The following SNX29 variants were observed in gnomAD, a reference collection of about 807,000 sequenced individuals.
The protein encoded by SNX29 is sorting nexin-29.
Under a neutral mutation model 102.1 loss-of-function variants are expected in SNX29, and 78 were observed. That is an observed-to-expected ratio of 0.76 (90% CI 0.64 to 0.92). The LOEUF (loss-of-function observed/expected upper bound fraction) is 0.92, where lower values mean the gene tolerates loss of function less well. Ranked by LOEUF, SNX29 falls within the 40% of genes least tolerant of loss-of-function variation. SNX29 has a pLI of 0.00. For synonymous variants in SNX29, 580 were observed against 414.5 expected, an observed-to-expected ratio of 1.40 and a Z score of -4.85; for missense variants, 1,280 against 1,061.7, an observed-to-expected ratio of 1.21 and a Z score of -2.86.
chr16:12,406,654 T>C (rs1352811432), intron 18 of SNX29, among the ~76,000 whole-genome samples: 5 of 152,210 alleles, frequency 3.3e-5, no homozygotes, highest in African/African-American at 1.2e-4. Context: ...ATGCCTATAA[T>C]CCCAGCACTT....
At chr16:12,280,740 C>T (rs369123064) in intron 15 of SNX29, among the ~76,000 whole-genome samples, 1 of 152,118 alleles carries the variant, frequency 6.6e-6, no homozygotes, top group Non-Finnish European at 1.5e-5. Flanking sequence ...TGCTGTTAAT[C>T]GAGACCCTCA....
intron 18 of SNX29, among the ~76,000 whole-genome samples, chr16:12,420,994 G>A (rs1015669694): frequency 6.6e-6 from 1 of 152,182 alleles, no homozygotes; most frequent in African/African-American, 2.4e-5. Context: ...TGCTATGCGG[G>A]GTACTTTTTC....
chr16:12,572,912 G>T lies in SNX29; in HGVS notation c.*4283G>T, dbSNP rs750307844. ...TGGCATTTCGCTCGGAATCACGGCA[G>T]ACTTGGAGTGTTTCTTCAAGGCAGG... is the stretch of plus-strand genomic sequence containing the variant. On this transcript the variant is annotated 3_prime_UTR_variant, in exon 21 of 21. Transcript: ENST00000566228. 1.0e-5 allele frequency: 10 copies of T among 997,626 alleles called. No individual in the cohort carries two copies. Among genetic ancestry groups the T allele is most frequent in the Non-Finnish European group, 1.2e-5 (10 of 818,128 alleles). 61.8% of individuals were successfully genotyped at this position (997,626 alleles called of 1,614,324 possible).
At chr16:12,151,920 GA>G (rs758149677) in intron 13 of SNX29, among the ~76,000 whole-genome samples, 4 of 152,140 alleles carry the variant, frequency 2.6e-5, no homozygotes, top group Admixed American at 6.5e-5. Flanking sequence ...ATTTTTAGTA[GA>G]GATGAAGTTT....
intron 20 of SNX29, chr16:12,560,669 G>C (rs895201175): frequency 6.4e-6 from 1 of 156,630 alleles, no homozygotes; most frequent in East Asian, 1.6e-4. Context: ...TTGGGGGCTG[G>C]GCTTGGATGC....
At chr16:12,313,331 C>G (rs185839541) in intron 15 of SNX29, among the ~76,000 whole-genome samples, 1 of 152,208 alleles carries the variant, frequency 6.6e-6, no homozygotes, top group East Asian at 1.9e-4. Flanking sequence ...TTTTAAACCT[C>G]TGAGAAGCTT....
At chr16:12,540,846 C>G (rs775883629) in intron 20 of SNX29, among the ~76,000 whole-genome samples, 2 of 152,206 alleles carry the variant, frequency 1.3e-5, no homozygotes, top group Non-Finnish European at 2.9e-5. Flanking sequence ...ATCGCCTCCA[C>G]CCTTTCTGAG....
rs1007911929 is a variant in SNX29 at position 12,570,083 on chromosome 16, C to T, written c.*1454C>T. ...TGGAGAATCATCTGGAAGGTTTATA[C>T]TGTGCCTTCCCCTCGTAGCAAAAAG... On this transcript the variant is annotated 3_prime_UTR_variant, in exon 21 of 21. Coordinates refer to ENST00000566228, the MANE Select transcript of SNX29 (RefSeq NM_032167.5). 2.0e-5 allele frequency: 16 copies of T among 793,060 alleles called. No homozygotes were observed. In the East Asian group the frequency reaches 3.2e-4, roughly 16 times the overall value. 49.1% of individuals were successfully genotyped at this position (793,060 alleles called of 1,614,324 possible).
chr16:12,019,108 A>G (rs1223571901), intron 3 of SNX29, among the ~76,000 whole-genome samples: 2 of 152,230 alleles, frequency 1.3e-5, no homozygotes, highest in Non-Finnish European at 1.5e-5. Context: ...TCAAGGCAAT[A>G]ATATTTCTGG....
At chr16:12,343,071 A>G (rs2081662269) in intron 15 of SNX29, among the ~76,000 whole-genome samples, 1 of 152,174 alleles carries the variant, frequency 6.6e-6, no homozygotes, top group African/African-American at 2.4e-5. Context: ...TGAAACTTGG[A>G]CATAATTTAT....
intron 13 of SNX29, among the ~76,000 whole-genome samples, chr16:12,140,701 A>G (rs1461583592): frequency 6.6e-6 from 1 of 152,086 alleles, no homozygotes; most frequent in Non-Finnish European, 1.5e-5. Context: ...GGGCTCAGCC[A>G]TTCTAAGCGG....
chr16:12,086,676 A>T (rs1329726686), intron 11 of SNX29: 2 of 152,082 alleles, frequency 1.3e-5, no homozygotes, highest in Non-Finnish European at 2.9e-5. Context: ...CAGCCTCTCA[A>T]AGTGCGGGGG....
At position 12,568,769 on chromosome 16, in the gene SNX29, C is replaced by A; in HGVS notation, c.*140C>A. ...GAGCACACGATTCCCAACAGTTACACAACACCCCGATTAAACTAATCAGTC... is the reference window on the plus strand; with the variant it reads ...GAGCACACGATTCCCAACAGTTACAAAACACCCCGATTAAACTAATCAGTC... On this transcript the variant is annotated 3_prime_UTR_variant, in exon 21 of 21. Coordinates refer to ENST00000566228, the MANE Select transcript of SNX29 (RefSeq NM_032167.5). 7.7e-7 allele frequency: 1 copy of A among 1,293,140 alleles called. No homozygotes were observed. Among genetic ancestry groups the A allele is most frequent in the Non-Finnish European group, 1.0e-6 (1 of 961,340 alleles). 80.1% of individuals were successfully genotyped at this position (1,293,140 alleles called of 1,614,324 possible).
At chr16:12,443,133 C>T (rs2085885503) in intron 18 of SNX29, 2 of 423,268 alleles carry the variant, frequency 4.7e-6, no homozygotes. Flanking sequence ...CTGCCTAAAT[C>T]CTGCCGGGCC....
At chr16:12,120,920 G>A (rs1360628831) in intron 11 of SNX29, among the ~76,000 whole-genome samples, 1 of 152,190 alleles carries the variant, frequency 6.6e-6, no homozygotes, top group East Asian at 1.9e-4. Context: ...AGAAATTACA[G>A]CTGTGAACCT....
At chr16:12,239,993 T>TA (rs2078053428) in intron 14 of SNX29, among the ~76,000 whole-genome samples, 1 of 152,258 alleles carries the variant, frequency 6.6e-6, no homozygotes, top group South Asian at 2.1e-4. Flanking sequence ...AGTGTCTGTG[T>TA]AAAACACATT....
chr16:12,565,898 G>C (rs1020078017), intron 20 of SNX29, among the ~76,000 whole-genome samples: 4 of 151,712 alleles, frequency 2.6e-5, no homozygotes, highest in Non-Finnish European at 4.4e-5. Flanking sequence ...CCTCTCATTG[G>C]GGCATCCACC....
intron 14 of SNX29, among the ~76,000 whole-genome samples, chr16:12,227,498 C>A (rs757509885): frequency 6.6e-6 from 1 of 152,170 alleles, no homozygotes; most frequent in South Asian, 2.1e-4. Flanking sequence ...TCAATTCTGT[C>A]AACATTTGCT....
At chr16:12,360,644 TC>T (rs1301291036) in intron 16 of SNX29, among the ~76,000 whole-genome samples, 1 of 144,244 alleles carries the variant, frequency 6.9e-6, no homozygotes, top group East Asian at 2.1e-4. Context: ...GTAATCCCCA[TC>T]CCCCCACCCC....
Sources: allele counts gnomAD v4.1 joint callset (sites outside exome capture counted in the v4.1 genomes callset), GRCh38; gene constraint gnomAD v4.1.1; transcripts MANE v1.5; gene names NCBI Gene and HGNC (gene_info 2026-07-23, HGNC 2026-07-21).